Variants in PXN observed in about 807,000 individuals in gnomAD.
The protein encoded by PXN is paxillin, also known as testicular tissue protein Li 134.
PXN carries 61 observed loss-of-function variants against 103.6 expected under a neutral mutation model. The observed-to-expected ratio is 0.59, with a 90% CI of 0.48 to 0.73. PXN has a LOEUF of 0.73. Ranked by LOEUF, PXN falls within the 30% of genes least tolerant of loss-of-function variation. The pLI is 0.00. For missense variants in PXN, 1,274 were observed against 1,460.3 expected (o/e 0.87, Z 2.08); for synonymous variants, 562 against 607.8 (o/e 0.92, Z 1.11).
Position 120,219,776 on chromosome 12 carries a change from C to G in PXN, c.1147G>C (p.Asp383His). Residue 383 changes from aspartate (D) to histidine (H), a missense_variant, in exon 7 of 15, where the codon GAT (aspartate) becomes CAT (histidine). This residue lies in a region of PXN where 1,178 missense variants were observed against 1,309.0 expected (regional missense o/e 0.90). Transcript: ENST00000637617. This position sits in a 1 kb window ranked among gnomAD's most constrained non-coding sequence, Gnocchi z 6.5. ...WAVGTESQGR[D>H]WRHLPTITSE... ...GTGATGGTCGGCAGGTGCCTCCAAT[C>G]TCGACCCTGACTCTCTGTGCCCACT... is the stretch of plus-strand genomic sequence containing the variant. 2.5e-6 allele frequency: 4 copies of G among 1,598,072 alleles called. No individual in the cohort carries two copies. Among genetic ancestry groups the G allele is most frequent in the Non-Finnish European group, 3.4e-6 (4 of 1,179,618 alleles).
At chr12:120,253,307 T>C (rs539580379) in intron 1 of PXN, among the ~76,000 whole-genome samples, 1 of 152,216 alleles carries the variant, frequency 6.6e-6, no homozygotes, top group East Asian at 1.9e-4. Flanking sequence ...ACCCCGTCTC[T>C]ACTAAAAATA....
chr12:120,261,166 T>C (rs1893823243), intron 1 of PXN, among the ~76,000 whole-genome samples: 1 of 152,156 alleles, frequency 6.6e-6, no homozygotes, highest in African/African-American at 2.4e-5. Context: ...TGCCTGCACA[T>C]AATAAGAGCT....
chr12:120,216,799 T>C lies in PXN; in HGVS notation c.1992+42A>G, dbSNP rs769088289. 1.3e-6 allele frequency: 2 copies of C among 1,574,510 alleles called. No homozygotes were observed. The highest frequency in any genetic ancestry group is 4.5e-5 in the East Asian group (2 of 44,546). On this transcript the variant is annotated intron_variant, in intron 8 of 14. Coordinates refer to ENST00000637617, the MANE Select transcript of PXN (RefSeq NM_001385981.1). The surrounding 1 kb of genome is among the most constrained non-coding windows in gnomAD (Gnocchi z 5.1). ...AGGGAAGAACCCGGACCCCAGGTGCTTGGCTCTGGCCCAGCCCCAGCCATG... is the reference window on the plus strand; with the variant it reads ...AGGGAAGAACCCGGACCCCAGGTGCCTGGCTCTGGCCCAGCCCCAGCCATG...
rs916695181 is a variant in PXN at position 120,211,746 on chromosome 12, C to T, written c.*568G>A. 14 of 351,776 alleles carry T rather than the reference C, an allele frequency of 4.0e-5. No individual in the cohort carries two copies. Among genetic ancestry groups the T allele is most frequent in the East Asian group, 1.5e-4 (2 of 13,402 alleles). The allele number at this position is 351,776 out of a possible 1,614,324, so 21.8% of individuals were successfully genotyped here. A position where few individuals can be genotyped will look rare whatever the true frequency, so the allele number is the denominator to read the frequency against. On this transcript the variant is annotated 3_prime_UTR_variant, in exon 15 of 15. Coordinates refer to ENST00000637617, the MANE Select transcript of PXN (RefSeq NM_001385981.1). The stretch of plus-strand genomic sequence containing the variant: ...GGCGGGTCTAAAAGGCAGGGGCAGT[C>T]GCCAGGCCTAGGGCACTGGAAGGGT...
chr12:120,215,128 G>A lies in PXN; in HGVS notation c.2549C>T (p.Ala850Val), dbSNP rs1432389203. 1.9e-6 allele frequency: 3 copies of A among 1,574,660 alleles called. No individual in the cohort carries two copies. In the South Asian group the frequency reaches 3.6e-5, roughly 19 times the overall value. ...VATVAKGVCG[A>V]CKKPIAGQVV... is the part of the protein sequence containing the mutation. The stretch of plus-strand genomic sequence containing the variant: ...CTGCCCGGCGATGGGCTTCTTGCAG[G>A]CCCCGCAGACTCCTTTGGCGACTGT... Residue 850 changes from alanine to valine, a missense_variant, in exon 11 of 15, where the codon GCC (alanine) becomes GTC (valine). By Grantham distance (64) the Ala-to-Val change is moderately conservative. Coordinates refer to ENST00000637617, the MANE Select transcript of PXN (RefSeq NM_001385981.1). The surrounding 1 kb of genome is among the most constrained non-coding windows in gnomAD (Gnocchi z 4.9).
rs1238987081 is a variant in PXN at position 120,210,933 on chromosome 12, C to G, written c.*1381G>C. The G allele has an allele frequency of 1.3e-5, 2 of 152,770 alleles. No homozygotes were observed. The highest frequency in any genetic ancestry group is 4.8e-5 in the African/African-American group (2 of 41,450). 9.5% of individuals were successfully genotyped at this position (152,770 alleles called of 1,614,324 possible). A position where few individuals can be genotyped will look rare whatever the true frequency, so the allele number is the denominator to read the frequency against. On this transcript the variant is annotated 3_prime_UTR_variant, in exon 15 of 15. Transcript: ENST00000637617. ...TCCCTTATGACCTTCTTTCCAGACC[C>G]CCTGAGTGCCGATCCCACCTGTGAA...
At position 120,222,942 on chromosome 12, in the gene PXN, C is replaced by G. The variant is rs760826177; in HGVS notation, c.414G>C (p.Leu138=). ...EPSPTVMSTS[L]GSNLSELDRL... is the part of the protein sequence containing the mutation. The stretch of plus-strand genomic sequence containing the variant: ...GGTCGAGTTCAGAAAGGTTGCTGCC[C>G]AGGGACGTGCTCATTACGGTGGGTG... Residue 138 remains leucine (L), a synonymous_variant, in exon 4 of 15, where the codon CTG becomes CTC. Coordinates refer to ENST00000637617, the MANE Select transcript of PXN (RefSeq NM_001385981.1). This position sits in a 1 kb window ranked among gnomAD's most constrained non-coding sequence, Gnocchi z 4.7. 2.5e-6 allele frequency: 4 copies of G among 1,613,956 alleles called. No homozygotes were observed. In the East Asian group the frequency reaches 6.7e-5, roughly 27 times the overall value.
intron 1 of PXN, among the ~76,000 whole-genome samples, chr12:120,249,715 G>A (rs537704706): frequency 2.6e-5 from 4 of 152,090 alleles, no homozygotes; most frequent in South Asian, 2.1e-4. Flanking sequence ...GCTTCTTTCC[G>A]GCTTGGCTGC....
At chr12:120,263,718 A>G (rs1020900300) in intron 1 of PXN, among the ~76,000 whole-genome samples, 1 of 152,218 alleles carries the variant, frequency 6.6e-6, no homozygotes, top group African/African-American at 2.4e-5. Flanking sequence ...AGTACTCCAC[A>G]AACAGCAATT....
rs954828694 is a variant in PXN at position 120,224,636 on chromosome 12, C to T, written c.14-259G>A. 1.3e-5 allele frequency: 9 copies of T among 673,074 alleles called. No homozygotes were observed. Among genetic ancestry groups the T allele is most frequent in the Non-Finnish European group, 2.5e-5 (9 of 366,570 alleles). 41.7% of individuals were successfully genotyped at this position (673,074 alleles called of 1,614,324 possible). ...GGGCTCTGGGGCTGCCCTGTGGGAT[C>T]TCCTACCTCTGGGAGTCAGGCACCT... On this transcript the variant is annotated intron_variant, in intron 1 of 14. Transcript: ENST00000637617. This position sits in a 1 kb window ranked among gnomAD's most constrained non-coding sequence, Gnocchi z 5.0.
In PXN at chr12:120,224,044, C is replaced by G; in HGVS notation, c.240+107G>C. ...AGAGCAGTGTCTGGTTGGGAAGGGT[C>G]GACTGCCCCAATTCCATTCCATCCC... On this transcript the variant is annotated intron_variant, in intron 2 of 14. Transcript: ENST00000637617. The surrounding 1 kb of genome is among the most constrained non-coding windows in gnomAD (Gnocchi z 5.0). 2 of 953,866 alleles carry G rather than the reference C, an allele frequency of 2.1e-6. No homozygotes were observed. Among genetic ancestry groups the G allele is most frequent in the Non-Finnish European group, 3.1e-6 (2 of 646,186 alleles). 59.1% of individuals were successfully genotyped at this position (953,866 alleles called of 1,614,324 possible).
rs1214321590 is a variant in PXN at position 120,265,521 on chromosome 12, G to A, written c.13+96C>T. The A allele has an allele frequency of 1.5e-6, 2 of 1,362,890 alleles. No homozygotes were observed. Among genetic ancestry groups the A allele is most frequent in the East Asian group, 3.1e-5 (1 of 31,814 alleles). The allele number at this position is 1,362,890 out of a possible 1,614,324, so 84.4% of individuals were successfully genotyped here. The stretch of plus-strand genomic sequence containing the variant: ...AGGAGCTGAGGCCGGGGCCGCCGAG[G>A]GTGGGATCCCGCGGCCCCTGCCGCT... On this transcript the variant is annotated intron_variant, in intron 1 of 14. Coordinates refer to ENST00000637617, the MANE Select transcript of PXN (RefSeq NM_001385981.1). This position sits in a 1 kb window ranked among gnomAD's most constrained non-coding sequence, Gnocchi z 5.7.
chr12:120,255,374 T>G (rs1031740272), intron 1 of PXN, among the ~76,000 whole-genome samples: 2 of 152,014 alleles, frequency 1.3e-5, no homozygotes, highest in African/African-American at 2.4e-5. Flanking sequence ...AGAGCAAACG[T>G]GGAAGAATGG....
At chr12:120,218,737 T>C (rs539624382) in intron 7 of PXN, among the ~76,000 whole-genome samples, 3 of 152,364 alleles carry the variant, frequency 2.0e-5, no homozygotes, top group Admixed American at 6.5e-5. Flanking sequence ...CCACGGCCTA[T>C]TGAGGGACCA....
In PXN at chr12:120,214,234, TG is replaced by T. The variant is rs768139580; in HGVS notation, c.2749-18del. On this transcript the variant is annotated intron_variant, in intron 12 of 14. Transcript: ENST00000637617. The surrounding 1 kb of genome is among the most constrained non-coding windows in gnomAD (Gnocchi z 5.0). Reference sequence around the variant, plus strand: ...CACCACTTTCTGTGAAAGCAAAATGTGGGATCAAGGCTGAGCTCTGGGCAGA... The same window carrying T: ...CACCACTTTCTGTGAAAGCAAAATGTGGATCAAGGCTGAGCTCTGGGCAGA... The T allele has an allele frequency of 1.9e-5, 30 of 1,549,242 alleles. No homozygotes were observed. In the South Asian group the frequency reaches 3.5e-4, roughly 18 times the overall value.
rs1322344629 is a variant in PXN, at chr12:120,248,027, T to C, written c.13+17590A>G. On this transcript the variant is annotated intron_variant, in intron 1 of 14. Coordinates refer to ENST00000637617, the MANE Select transcript of PXN (RefSeq NM_001385981.1). ...GTAGATAAAGCAAAAATGGACAAAA[T>C]TGAAAAGAAAAAGTGACAAATCCAC... is the stretch of plus-strand genomic sequence containing the variant. 3.3e-5 allele frequency among the ~76,000 whole-genome samples: 5 copies of C among 151,816 alleles called. No homozygotes were observed. The East Asian group carries it at 7.7e-4, about 24-fold the overall frequency.
Position 120,221,580 on chromosome 12 carries a change from G to A in PXN, c.831+43C>T, listed in dbSNP as rs778876671. On this transcript the variant is annotated intron_variant, in intron 6 of 14. Coordinates refer to ENST00000637617, the MANE Select transcript of PXN (RefSeq NM_001385981.1). The surrounding 1 kb of genome is among the most constrained non-coding windows in gnomAD (Gnocchi z 6.6). ...TGAGGTAAGGGAGGAGAAGGATGAGGGAGGGGCGGCAGGGCAGGGAAGATG... is the reference window on the plus strand; with the variant it reads ...TGAGGTAAGGGAGGAGAAGGATGAGAGAGGGGCGGCAGGGCAGGGAAGATG... 1.3e-6 allele frequency: 2 copies of A among 1,534,444 alleles called. No homozygotes were observed. The highest frequency in any genetic ancestry group is 1.8e-6 in the Non-Finnish European group (2 of 1,136,376).
Position 120,212,456 on chromosome 12 carries a change from C to T in PXN, c.3104G>A (p.Arg1035His), listed in dbSNP as rs771577849. The change falls in exon 15 of 15, where the codon CGC becomes CAC. Residue 1035 changes from arginine to histidine, a missense_variant. Physicochemically the swap from Arg to His is conservative, Grantham distance 29. Transcript: ENST00000637617. The surrounding 1 kb of genome is among the most constrained non-coding windows in gnomAD (Gnocchi z 7.2). ...CSGCQKPITG[R>H]CITAMAKKFH... ...CTTCTTGGCCATGGCGGTGATGCAG[C>T]GGCCGGTGATGGGCTTCTGGCAGCC... 7.4e-6 allele frequency: 12 copies of T among 1,613,970 alleles called. No homozygotes were observed. Among genetic ancestry groups the T allele is most frequent in the Admixed American group, 5.0e-5 (3 of 60,020 alleles).
In PXN at chr12:120,219,075, G is replaced by A. The variant is rs887984699; in HGVS notation, c.1716+132C>T. On this transcript the variant is annotated intron_variant, in intron 7 of 14. Coordinates refer to ENST00000637617, the MANE Select transcript of PXN (RefSeq NM_001385981.1). This position sits in a 1 kb window ranked among gnomAD's most constrained non-coding sequence, Gnocchi z 6.5. ...TGCCAAGTGCTGACTGTCAGGTCCG[G>A]CCACAGTGTCTCAGCATTTTCTGCC... is the stretch of plus-strand genomic sequence containing the variant. The A allele has an allele frequency of 1.4e-5, 14 of 1,027,624 alleles. No homozygotes were observed. Among genetic ancestry groups the A allele is most frequent in the South Asian group, 1.8e-5 (1 of 55,768 alleles). The allele number at this position is 1,027,624 out of a possible 1,614,324, so 63.7% of individuals were successfully genotyped here.
Sources: gnomAD v4.1 joint callset for allele counts (sites outside exome capture counted in the v4.1 genomes callset) on GRCh38, gnomAD v4.1.1 for gene constraint, gnomAD v4.1.1 regional missense constraint, Gnocchi (gnomAD v3.1) non-coding constraint, MANE v1.5 for transcripts, NCBI Gene and HGNC (gene_info 2026-07-23, HGNC 2026-07-21) for gene names.